PPP1R1B: variants seen among roughly 807,000 people sequenced by gnomAD.
PPP1R1B encodes protein phosphatase 1 regulatory subunit 1B.
A neutral mutation model predicts 28.2 loss-of-function variants in PPP1R1B; 13 were observed. The observed-to-expected ratio is 0.46, with a 90% CI of 0.30 to 0.73. The LOEUF is 0.73. PPP1R1B is among the 30% of genes least tolerant of loss of function. The pLI, the probability that PPP1R1B is intolerant of heterozygous loss-of-function variation, is 0.07. For missense variants in PPP1R1B, 236 were observed against 256.7 expected (o/e 0.92, Z 0.55); for synonymous variants, 102 against 97.5 (o/e 1.05, Z -0.27).
chr17:39,629,988 GGCACC>G lies in PPP1R1B; in HGVS notation c.183_187del (p.His62SerfsTer24). 1 of 1,614,140 alleles carries G rather than the reference GGCACC, an allele frequency of 6.2e-7. No individual in the cohort carries two copies. Among genetic ancestry groups the G allele is most frequent in the Non-Finnish European group, 8.5e-7 (1 of 1,180,022 alleles). ...CCCTGGCAGAGAGCCTCAGGAGAGGGGCACCATCTCAAGTCGAAGAGACCCAACCC... is the reference window on the plus strand; with the variant it reads ...CCCTGGCAGAGAGCCTCAGGAGAGGGATCTCAAGTCGAAGAGACCCAACCC... On this transcript the variant is annotated frameshift_variant, in exon 4 of 7. Transcript: ENST00000254079. LOFTEE classifies it high-confidence loss of function.
rs2056921045 is a variant in PPP1R1B, at chr17:39,636,088, A to C, written c.*223A>C. 1.7e-6 allele frequency: 1 copy of C among 575,032 alleles called. No homozygotes were observed. The highest frequency in any genetic ancestry group is 3.1e-6 in the Non-Finnish European group (1 of 322,380). 35.6% of individuals were successfully genotyped at this position (575,032 alleles called of 1,614,324 possible). On this transcript the variant is annotated 3_prime_UTR_variant, in exon 7 of 7. Coordinates refer to ENST00000254079, the MANE Select transcript of PPP1R1B (RefSeq NM_032192.4). ...TGCCTGATGCCCACCCCTGCCAGTC[A>C]TTCCTCCATTCACCCAGCGGGAGGT...
Position 39,633,985 on chromosome 17 carries a change from G to C in PPP1R1B, c.344G>C (p.Gly115Ala). ...GAGCTGGGGGAGCTTCGGGAGCTGG[G>C]TTATCCAAGAGAGGAAGATGAGGAG... ...EDELGELREL[G>A]YPREEDEEEE... Residue 115 changes from glycine (G) to alanine (A), a missense_variant, in exon 5 of 7, where the codon GGT becomes GCT. By Grantham distance (60) the Gly-to-Ala change is moderately conservative. Coordinates refer to ENST00000254079, the MANE Select transcript of PPP1R1B (RefSeq NM_032192.4). 6.2e-7 allele frequency: 1 copy of C among 1,613,936 alleles called. No individual in the cohort carries two copies. Among genetic ancestry groups the C allele is most frequent in the Non-Finnish European group, 8.5e-7 (1 of 1,179,922 alleles).
At position 39,629,650 on chromosome 17, in the gene PPP1R1B, T is replaced by G. The variant is rs553046769; in HGVS notation, c.165+88T>G. 2.7e-5 allele frequency: 38 copies of G among 1,396,240 alleles called. No homozygotes were observed. In the African/African-American group the frequency reaches 5.1e-4, roughly 19 times the overall value. 86.5% of individuals were successfully genotyped at this position (1,396,240 alleles called of 1,614,324 possible). A position where few individuals can be genotyped will look rare whatever the true frequency, so the allele number is the denominator to read the frequency against. On this transcript the variant is annotated intron_variant, in intron 3 of 6. Transcript: ENST00000254079. ...TGCCTGCAGTGACAACCAACCAGTATGGGGTGCCACCCAAGAGGACACATT... is the reference window on the plus strand; with the variant it reads ...TGCCTGCAGTGACAACCAACCAGTAGGGGGTGCCACCCAAGAGGACACATT...
chr17:39,635,484 C>T, intron 5 of PPP1R1B, 123 bp from the exon 6 acceptor site: 1 of 1,352,384 alleles, frequency 7.4e-7, no homozygotes, highest in Non-Finnish European at 1.0e-6. Context: ...CCAGTTCTCT[C>T]TCCATGCTTC....
chr17:39,627,464 G>C lies in PPP1R1B; in HGVS notation c.72G>C (p.Gln24His). The C allele has an allele frequency of 1.3e-6, 2 of 1,582,672 alleles. No individual in the cohort carries two copies. Among genetic ancestry groups the C allele is most frequent in the East Asian group, 4.6e-5 (2 of 43,734 alleles). Reference protein sequence around the residue: ...PAPPSQLDPRQVEMIRRRRPT... With the variant: ...PAPPSQLDPRHVEMIRRRRPT... ...CCCCTAGCCAGCTCGACCCCCGCCA[G>C]GTGGAGATGGTAAGGGGCCCGTGCC... The change falls in exon 1 of 7, where the codon CAG (glutamine) becomes CAC (histidine). Residue 24 changes from glutamine to histidine, a missense_variant. Physicochemically the swap from Gln to His is conservative, Grantham distance 24. Transcript: ENST00000254079.
In PPP1R1B at chr17:39,633,879, C is replaced by T. The variant is rs1291376409; in HGVS notation, c.242-4C>T. ...CTTGCTTTCCTCGGTCTCCTCTGTGCCAGCTGTGCAGCGCATTGCTGAGTC... is the reference window on the plus strand; with the variant it reads ...CTTGCTTTCCTCGGTCTCCTCTGTGTCAGCTGTGCAGCGCATTGCTGAGTC... On this transcript the variant is annotated splice_polypyrimidine_tract_variant and splice_region_variant and intron_variant, in intron 4 of 6. Transcript: ENST00000254079. 6.2e-7 allele frequency: 1 copy of T among 1,613,370 alleles called. No homozygotes were observed. The highest frequency in any genetic ancestry group is 1.1e-5 in the South Asian group (1 of 90,980).
chr17:39,630,237 C>A (rs1403993041), intron 4 of PPP1R1B, 190 bp downstream of exon 4: 10 of 593,406 alleles, frequency 1.7e-5, no homozygotes, highest in Admixed American at 1.1e-4. Context: ...AGTCCCGAGG[C>A]TGCAATGGGC....
At chr17:39,630,428 C>A (rs1567848022) in intron 4 of PPP1R1B, 5 of 286,628 alleles carry the variant, frequency 1.7e-5, no homozygotes, top group Non-Finnish European at 2.1e-5. Flanking sequence ...CACCCCTGGC[C>A]TCCCCTCCCA....
intron 5 of PPP1R1B, 108 bp downstream of exon 5, chr17:39,634,194 C>T (rs2056900274): frequency 4.4e-6 from 6 of 1,379,294 alleles, no homozygotes; most frequent in Non-Finnish European, 6.1e-6. Flanking sequence ...GTAGTGACAC[C>T]ACAGGGGCCT....
intron 4 of PPP1R1B, chr17:39,630,323 G>A (rs769823035): frequency 6.0e-5 from 27 of 447,338 alleles, no homozygotes; most frequent in Non-Finnish European, 9.5e-5. Flanking sequence ...GCAGGCATCC[G>A]CGTGGAAGGG....
Position 39,629,985 on chromosome 17 carries a change from A to G in PPP1R1B, c.179A>G (p.Glu60Gly). The change falls in exon 4 of 7, where the codon GAG becomes GGG. Residue 60 changes from glutamate (E) to glycine (G), a missense_variant. Physicochemically the swap from Glu to Gly is moderately conservative, Grantham distance 98. Transcript: ENST00000254079. ...TTCCCCTGGCAGAGAGCCTCAGGAG[A>G]GGGGCACCATCTCAAGTCGAAGAGA... The part of the protein sequence containing the change: ...EASPHQRASG[E>G]GHHLKSKRPN... The G allele has an allele frequency of 6.2e-7, 1 of 1,614,100 alleles. No individual in the cohort carries two copies. Among genetic ancestry groups the G allele is most frequent in the East Asian group, 2.2e-5 (1 of 44,868 alleles).
chr17:39,634,034 GGAA>G lies in PPP1R1B; in HGVS notation c.402_404del (p.Glu135del), dbSNP rs780467049. On this transcript the variant is annotated inframe_deletion, in exon 5 of 7. Transcript: ENST00000254079. ...AGGAAGAGGAGGATGATGAAGAAGA[GGAA>G]GAAGAAGAGGACAGCCAGGCTGAAG... 673 of 1,613,942 alleles carry G rather than the reference GGAA, an allele frequency of 4.2e-4. 7 individuals carry two copies. In the East Asian group the frequency reaches 9.8e-3, roughly 23 times the overall value.
chr17:39,629,842 G>T, intron 3 of PPP1R1B, 130 bp from the exon 4 acceptor site: 1 of 1,029,546 alleles, frequency 9.7e-7, no homozygotes, highest in African/African-American at 1.6e-5. Flanking sequence ...GGGAGGCTCA[G>T]CCTAGGTGCA....
chr17:39,633,978 G>T lies in PPP1R1B; in HGVS notation c.337G>T (p.Glu113Ter). ...GGAGGATGAGCTGGGGGAGCTTCGG[G>T]AGCTGGGTTATCCAAGAGAGGAAGA... ...EEEDELGELRELGYPREEDEE... is the reference protein window; with the variant it reads ...EEEDELGELR Residue 113 changes from glutamate (E) to a stop codon, truncating the protein, a stop_gained, in exon 5 of 7, where the codon GAG (glutamate) becomes TAG (stop). Transcript: ENST00000254079. LOFTEE classifies it high-confidence loss of function. The T allele has an allele frequency of 6.2e-7, 1 of 1,613,952 alleles. No homozygotes were observed. The highest frequency in any genetic ancestry group is 8.5e-7 in the Non-Finnish European group (1 of 1,179,920).
chr17:39,630,067 C>T lies in PPP1R1B; in HGVS notation c.241+20C>T. On this transcript the variant is annotated intron_variant, in intron 4 of 6. Transcript: ENST00000254079. ...TGAAAGGTACTATACCCCCACCGAC[C>T]TTCCTGGCTGTCCGCCTGATCCCTG... 3 of 1,611,362 alleles carry T rather than the reference C, an allele frequency of 1.9e-6. No homozygotes were observed. Among genetic ancestry groups the T allele is most frequent in the Non-Finnish European group, 2.5e-6 (3 of 1,177,512 alleles).
chr17:39,630,926 A>G (rs1277616954), intron 4 of PPP1R1B, among the ~76,000 whole-genome samples: 3 of 152,188 alleles, frequency 2.0e-5, no homozygotes, highest in African/African-American at 4.8e-5. Flanking sequence ...AAAATTAGCC[A>G]GGCGTGGTAG....
intron 4 of PPP1R1B, among the ~76,000 whole-genome samples, chr17:39,631,079 A>G (rs1264039506): frequency 6.6e-6 from 1 of 151,998 alleles, no homozygotes; most frequent in Non-Finnish European, 1.5e-5. Flanking sequence ...CAAGAAAAAA[A>G]AAAAAGTGAG....
At chr17:39,634,775 G>A (rs1252655813) in intron 5 of PPP1R1B, among the ~76,000 whole-genome samples, 1 of 152,226 alleles carries the variant, frequency 6.6e-6, no homozygotes, top group Non-Finnish European at 1.5e-5. Context: ...TTGGCCATGG[G>A]GGCAAAAGCT....
chr17:39,632,895 A>G (rs1356339927), intron 4 of PPP1R1B: 1 of 151,114 alleles, frequency 6.6e-6, no homozygotes, highest in Non-Finnish European at 1.5e-5. Context: ...ACCAAGAAGG[A>G]ACTGCAGCAA....
Sources: allele counts gnomAD v4.1 joint callset (sites outside exome capture counted in the v4.1 genomes callset), GRCh38; gene constraint gnomAD v4.1.1; transcripts MANE v1.5; gene names NCBI Gene and HGNC (gene_info 2026-07-23, HGNC 2026-07-21).